The following INSL6 variants were observed in gnomAD, a reference collection of about 807,000 sequenced individuals.
INSL6 encodes the protein insulin like 6, also known as insulin-like peptide INSL6.
A neutral mutation model predicts 9.4 loss-of-function variants in INSL6; 16 were observed. That is an observed-to-expected ratio of 1.70 (90% CI 1.15 to 2.59). The LOEUF is 2.59. Ranked by LOEUF, INSL6 falls within the 30% of genes most tolerant of loss-of-function variation. The pLI, the probability that INSL6 is intolerant of heterozygous loss-of-function variation, is 0.00. For synonymous variants in INSL6, 154 were observed against 96.9 expected, an observed-to-expected ratio of 1.59 and a Z score of -3.46; for missense variants, 391 against 257.3, an observed-to-expected ratio of 1.52 and a Z score of -3.56.
At chr9:5,022,283 G>A in the INSL6 span, 1 of 960,854 alleles carries the variant, frequency 1.0e-6, no homozygotes, top group Non-Finnish European at 1.6e-6. Flanking sequence ...CTAATACTAG[G>A]TACATGCATA....
chr9:5,087,782 C>T, the INSL6 span, among the ~76,000 whole-genome samples: 1 of 152,006 alleles, frequency 6.6e-6, no homozygotes, highest in Non-Finnish European at 1.5e-5. Flanking sequence ...ATGTTCTTAT[C>T]TTTTGAACAG....
the INSL6 span, chr9:5,077,683 C>G: frequency 1.6e-6 from 1 of 643,826 alleles, no homozygotes; most frequent in Non-Finnish European, 2.4e-6. Flanking sequence ...TAATTGGATG[C>G]CAATTCATGT....
intron 3 of INSL6, among the ~76,000 whole-genome samples, chr9:5,130,411 T>C (rs1458717846): frequency 6.6e-6 from 1 of 152,160 alleles, no homozygotes; most frequent in Admixed American, 6.5e-5. Flanking sequence ...ATCAAGGTGG[T>C]ATGGAAAAAT....
the INSL6 span, among the ~76,000 whole-genome samples, chr9:5,004,194 G>T: frequency 6.6e-6 from 1 of 151,964 alleles, no homozygotes; most frequent in Non-Finnish European, 1.5e-5. Flanking sequence ...TATTGTTATT[G>T]GTAATCACCA....
chr9:5,041,887 A>G, the INSL6 span: 4 of 425,060 alleles, frequency 9.4e-6, no homozygotes, highest in African/African-American at 4.2e-5. Context: ...AGCGCCCATC[A>G]GGGCGCCTGC....
intron 3 of INSL6, chr9:5,127,638 C>G: frequency 4.3e-6 from 1 of 231,650 alleles, no homozygotes; most frequent in Non-Finnish European, 8.6e-6. Flanking sequence ...ATTAAGAATG[C>G]CAGGAATATT....
the INSL6 span, among the ~76,000 whole-genome samples, chr9:5,071,102 G>A: frequency 6.6e-6 from 1 of 152,122 alleles, no homozygotes; most frequent in Non-Finnish European, 1.5e-5. Context: ...TTTGGAATTT[G>A]GGCTTCATTA....
intron 1 of INSL6, among the ~76,000 whole-genome samples, chr9:5,175,007 T>C (rs1296994274): frequency 1.3e-5 from 2 of 151,816 alleles, no homozygotes; most frequent in Admixed American, 6.6e-5. Context: ...TGGCGTTATC[T>C]CGGCTCACTG....
the INSL6 span, chr9:5,078,510 G>A: frequency 8.0e-7 from 1 of 1,243,630 alleles, no homozygotes; most frequent in East Asian, 2.5e-5. Flanking sequence ...TAAAGGGCAT[G>A]TTGTTAATTT....
the INSL6 span, among the ~76,000 whole-genome samples, chr9:5,051,901 T>G: frequency 6.6e-6 from 1 of 152,026 alleles, no homozygotes; most frequent in African/African-American, 2.4e-5. Flanking sequence ...GGTCTTAACC[T>G]AAGGGTGTAG....
the INSL6 span, chr9:5,111,271 C>G: frequency 1.3e-3 from 639 of 491,846 alleles, 5 homozygotes; most frequent in African/African-American, 0.011. Flanking sequence ...CGCAGCCTGA[C>G]TCAGGCTGGC....
the INSL6 span, among the ~76,000 whole-genome samples, chr9:5,012,402 C>T: frequency 9.9e-5 from 15 of 152,066 alleles, no homozygotes; most frequent in African/African-American, 3.4e-4. Flanking sequence ...TAATTGTCGT[C>T]ATCAGGAACA....
the INSL6 span, among the ~76,000 whole-genome samples, chr9:5,088,845 T>A: frequency 5.9e-5 from 9 of 151,964 alleles, no homozygotes; most frequent in African/African-American, 2.2e-4. Flanking sequence ...TCCACCCTTA[T>A]AACCTAATTT....
At chr9:5,029,948 A>G in the INSL6 span, 1 of 1,515,176 alleles carries the variant, frequency 6.6e-7, no homozygotes. Flanking sequence ...GCTAAAAGGC[A>G]AAATGGGAGA....
the INSL6 span, among the ~76,000 whole-genome samples, chr9:5,018,041 G>A: frequency 0.35 from 52,686 of 152,014 alleles, 9,770 homozygotes; most frequent in African/African-American, 0.49. Context: ...ATGTTTTTTA[G>A]TCCATTTAGC....
chr9:5,047,831 C>G, the INSL6 span, among the ~76,000 whole-genome samples: 1 of 152,030 alleles, frequency 6.6e-6, no homozygotes, highest in African/African-American at 2.4e-5. Flanking sequence ...AAACACCTGG[C>G]TTCAAATGAT....
the INSL6 span, among the ~76,000 whole-genome samples, chr9:5,058,882 G>T: frequency 1.3e-5 from 2 of 151,850 alleles, no homozygotes; most frequent in East Asian, 3.9e-4. Flanking sequence ...TTTTTAATCA[G>T]GTTTTTTTTG....
the INSL6 span, chr9:5,090,742 A>G: frequency 3.7e-6 from 6 of 1,601,124 alleles, no homozygotes; most frequent in South Asian, 1.1e-5. Flanking sequence ...TCCATAGGGT[A>G]TGGAGTATCT....
chr9:5,038,835 T>C, the INSL6 span, among the ~76,000 whole-genome samples: 3 of 152,046 alleles, frequency 2.0e-5, no homozygotes, highest in African/African-American at 7.2e-5. Context: ...TCCCAGGAAA[T>C]ACAAGGCTAG....
Sources: gnomAD v4.1 joint callset for allele counts (sites outside exome capture counted in the v4.1 genomes callset) on GRCh38, gnomAD v4.1.1 for gene constraint, MANE v1.5 for transcripts, NCBI Gene and HGNC (gene_info 2026-07-23, HGNC 2026-07-21) for gene names.